Variants in AAMDC observed in about 807,000 individuals in gnomAD.
AAMDC encodes mth938 domain-containing protein.
A neutral mutation model predicts 15.5 loss-of-function variants in AAMDC; 16 were observed. That is an observed-to-expected ratio of 1.03 (90% CI 0.70 to 1.57). The LOEUF is 1.57. AAMDC is among the 40% of genes most tolerant of loss of function. The probability of loss-of-function intolerance (pLI) is 0.00; values close to 1 mark genes in which losing one functional copy is unlikely to be tolerated. For missense variants in AAMDC, 141 were observed against 144.9 expected (o/e 0.97, Z 0.14); for synonymous variants, 51 against 51.6 (o/e 0.99, Z 0.05).
At chr11:77,877,457 T>G (rs1414188257) in intron 5 of AAMDC, among the ~76,000 whole-genome samples, 3 of 152,232 alleles carry the variant, frequency 2.0e-5, no homozygotes, top group Non-Finnish European at 4.4e-5. Flanking sequence ...TGTTATTTAA[T>G]CCATCCTACT....
chr11:77,898,945 G>A (rs1451547777), intron 5 of AAMDC, among the ~76,000 whole-genome samples: 5 of 152,090 alleles, frequency 3.3e-5, no homozygotes, highest in African/African-American at 7.2e-5. Context: ...GCTTGGACCC[G>A]GGAACCAGAG....
At chr11:77,880,989 T>C (rs568824577) in intron 5 of AAMDC, among the ~76,000 whole-genome samples, 1 of 151,458 alleles carries the variant, frequency 6.6e-6, no homozygotes, top group African/African-American at 2.4e-5. Flanking sequence ...TCAGAGGGAG[T>C]TGATGTAGGA....
intron 2 of AAMDC, among the ~76,000 whole-genome samples, chr11:77,847,370 G>A (rs1203356763): frequency 6.6e-6 from 1 of 152,130 alleles, no homozygotes; most frequent in African/African-American, 2.4e-5. Flanking sequence ...ACATTGTTCT[G>A]CATTGTAAAC....
At chr11:77,825,222 T>G (rs929597078) in intron 1 of AAMDC, among the ~76,000 whole-genome samples, 5 of 152,172 alleles carry the variant, frequency 3.3e-5, no homozygotes, top group African/African-American at 1.2e-4. Flanking sequence ...GACCTTGTGA[T>G]CTGCTCACCT....
intron 1 of AAMDC, among the ~76,000 whole-genome samples, chr11:77,825,220 G>A (rs2136034305): frequency 6.6e-6 from 1 of 151,862 alleles, no homozygotes; most frequent in Admixed American, 6.6e-5. Flanking sequence ...CTGACCTTGT[G>A]ATCTGCTCAC....
At chr11:77,886,652 G>C (rs1952021617) in intron 5 of AAMDC, among the ~76,000 whole-genome samples, 1 of 152,176 alleles carries the variant, frequency 6.6e-6, no homozygotes. Context: ...CAAGGGAATG[G>C]GCTTGGCGGA....
chr11:77,902,528 A>T (rs1265476982), downstream of AAMDC, among the ~76,000 whole-genome samples: 1 of 152,178 alleles, frequency 6.6e-6, no homozygotes, highest in Non-Finnish European at 1.5e-5. Flanking sequence ...TCAAGTCCTG[A>T]CTGTATTACC....
intron 2 of AAMDC, chr11:77,866,350 C>T (rs990428467): frequency 6.6e-6 from 1 of 152,172 alleles, no homozygotes; most frequent in African/African-American, 2.4e-5. Flanking sequence ...CAGAATCAGA[C>T]ACTCAATAGG....
chr11:77,889,659 TG>T (rs1352796273), intron 5 of AAMDC, among the ~76,000 whole-genome samples: 1 of 152,222 alleles, frequency 6.6e-6, no homozygotes, highest in Non-Finnish European at 1.5e-5. Flanking sequence ...CTCTGAGGCA[TG>T]TTTACTGCTA....
intron 2 of AAMDC, among the ~76,000 whole-genome samples, chr11:77,865,802 G>A (rs1029862366): frequency 5.9e-5 from 9 of 152,146 alleles, no homozygotes; most frequent in South Asian, 2.1e-4. Context: ...TGTATGAAAT[G>A]TTTCCTCTAT....
chr11:77,832,947 ATATATGTGTG>A (rs1214495811), intron 1 of AAMDC, among the ~76,000 whole-genome samples: 15 of 83,696 alleles, frequency 1.8e-4, no homozygotes, highest in Admixed American at 3.7e-4. Context: ...TATTGTATAT[ATATATGTGTG>A]TGTGTGTGTG....
At chr11:77,905,766 C>T (rs1249209670) in intron 3 of AAMDC, among the ~76,000 whole-genome samples, 1 of 152,182 alleles carries the variant, frequency 6.6e-6, no homozygotes, top group East Asian at 1.9e-4. Flanking sequence ...TTTCAGATGA[C>T]CACAGTTAAA....
chr11:77,888,999 T>C (rs1299170574), intron 5 of AAMDC, among the ~76,000 whole-genome samples: 1 of 152,184 alleles, frequency 6.6e-6, no homozygotes, highest in African/African-American at 2.4e-5. Context: ...AGTTCAACCA[T>C]TGTGGATGTC....
At chr11:77,898,054 C>T (rs1272718131) in intron 5 of AAMDC, among the ~76,000 whole-genome samples, 2 of 151,954 alleles carry the variant, frequency 1.3e-5, no homozygotes, top group Admixed American at 6.6e-5. Flanking sequence ...TGGACTCAAG[C>T]GATCCTCCTG....
At chr11:77,883,811 A>C (rs760937603) in intron 5 of AAMDC, 1 of 1,610,482 alleles carries the variant, frequency 6.2e-7, no homozygotes, top group Non-Finnish European at 8.5e-7. Context: ...TTCCCTTCCC[A>C]CCCTGGTCCT....
chr11:77,834,441 GTTTTTTTTTTT>G (rs11438814), intron 1 of AAMDC, among the ~76,000 whole-genome samples: 2 of 105,548 alleles, frequency 1.9e-5, no homozygotes, highest in African/African-American at 7.2e-5. Flanking sequence ...AGTTGATTTT[GTTTTTTTTTTT>G]TTTTTTTTTT....
intron 2 of AAMDC, among the ~76,000 whole-genome samples, chr11:77,868,506 G>A (rs945362447): frequency 2.0e-5 from 3 of 151,280 alleles, no homozygotes; most frequent in South Asian, 2.1e-4. Context: ...CTACAGGCAC[G>A]CGCCACCACA....
chr11:77,901,814 A>C (rs1157841607), downstream of AAMDC, among the ~76,000 whole-genome samples: 1 of 152,020 alleles, frequency 6.6e-6, no homozygotes, highest in East Asian at 1.9e-4. Context: ...ATCACTAAGC[A>C]AACTGCAAAG....
chr11:77,866,075 G>A (rs946109032), intron 2 of AAMDC, among the ~76,000 whole-genome samples: 2 of 152,204 alleles, frequency 1.3e-5, no homozygotes, highest in African/African-American at 4.8e-5. Context: ...CCAGATGATA[G>A]CATTGCTACT....
Sources: allele counts gnomAD v4.1 joint callset (sites outside exome capture counted in the v4.1 genomes callset), GRCh38; gene constraint gnomAD v4.1.1; transcripts MANE v1.5; gene names NCBI Gene and HGNC (gene_info 2026-07-23, HGNC 2026-07-21).